Variants in WDFY2 observed in about 807,000 individuals in gnomAD.
WDFY2 encodes WD repeat and FYVE domain containing 2, also known as WD repeat and FYVE domain-containing protein 2.
In WDFY2, 36 loss-of-function variants were observed where a neutral mutation model predicts 56.4. The ratio of observed to expected loss-of-function variants is 0.64; its 90% CI spans 0.49 to 0.84. The LOEUF (loss-of-function observed/expected upper bound fraction) is 0.84, where lower values mean the gene tolerates loss of function less well. Ranked by LOEUF, WDFY2 falls within the 40% of genes least tolerant of loss-of-function variation. WDFY2 has a pLI of 0.00. For missense variants in WDFY2, 444 were observed against 512.2 expected, an observed-to-expected ratio of 0.87 and a Z score of 1.29; for synonymous variants, 176 against 183.7, an observed-to-expected ratio of 0.96 and a Z score of 0.34.
At chr13:51,717,890 T>C (rs1422460190) in intron 4 of WDFY2, among the ~76,000 whole-genome samples, 15 of 152,210 alleles carry the variant, frequency 9.9e-5, no homozygotes, top group Admixed American at 9.8e-4. Context: ...GACTGCCCTG[T>C]GGCTGTTCAT....
chr13:51,593,477 A>C (rs1366572727), intron 1 of WDFY2, among the ~76,000 whole-genome samples: 1 of 152,186 alleles, frequency 6.6e-6, no homozygotes, highest in Non-Finnish European at 1.5e-5. Context: ...ATTATTTTCC[A>C]AAAGGTTTAT....
intron 6 of WDFY2, among the ~76,000 whole-genome samples, chr13:51,737,295 A>C (rs1007619874): frequency 1.3e-5 from 2 of 152,156 alleles, no homozygotes; most frequent in Non-Finnish European, 2.9e-5. Flanking sequence ...CATTTAATCT[A>C]ATTAACCCAT....
intron 7 of WDFY2, among the ~76,000 whole-genome samples, chr13:51,749,886 G>A (rs2138713980): frequency 6.6e-6 from 1 of 152,162 alleles, no homozygotes; most frequent in Admixed American, 6.5e-5. Context: ...TAAAAAGTTT[G>A]TCAGAATAGT....
chr13:51,733,189 C>A (rs1387145159), intron 6 of WDFY2, among the ~76,000 whole-genome samples: 1 of 152,148 alleles, frequency 6.6e-6, no homozygotes, highest in African/African-American at 2.4e-5. Context: ...GTGCACGCCA[C>A]CACACCCATC....
chr13:51,652,338 T>C (rs1249491792), intron 1 of WDFY2, among the ~76,000 whole-genome samples: 2 of 152,240 alleles, frequency 1.3e-5, no homozygotes, highest in Non-Finnish European at 2.9e-5. Context: ...AGCACACTGA[T>C]AGGTCTTGAC....
intron 1 of WDFY2, among the ~76,000 whole-genome samples, chr13:51,656,699 T>C (rs997301005): frequency 6.6e-6 from 1 of 152,078 alleles, no homozygotes; most frequent in Non-Finnish European, 1.5e-5. Flanking sequence ...AATTATTATT[T>C]TTTTGATGAA....
chr13:51,614,718 C>T (rs1041564671), intron 1 of WDFY2, among the ~76,000 whole-genome samples: 3 of 152,196 alleles, frequency 2.0e-5, no homozygotes, highest in African/African-American at 7.2e-5. Flanking sequence ...AACTGTGTCA[C>T]ATTGCCACCC....
At chr13:51,607,863 A>G (rs1954412867) in intron 1 of WDFY2, among the ~76,000 whole-genome samples, 1 of 152,200 alleles carries the variant, frequency 6.6e-6, no homozygotes, top group Non-Finnish European at 1.5e-5. Flanking sequence ...TGATTAAGTT[A>G]AGGATCTTGA....
At chr13:51,754,765 A>G (rs1338297858) in intron 8 of WDFY2, among the ~76,000 whole-genome samples, 1 of 152,158 alleles carries the variant, frequency 6.6e-6, no homozygotes, top group African/African-American at 2.4e-5. Context: ...AACTTTATAA[A>G]TATCTTCTCC....
At chr13:51,700,170 C>T (rs556644657) in intron 3 of WDFY2, among the ~76,000 whole-genome samples, 2 of 152,152 alleles carry the variant, frequency 1.3e-5, no homozygotes, top group Admixed American at 6.5e-5. Context: ...TACGCCAGAC[C>T]GTTAACATTG....
chr13:51,715,250 T>G lies in WDFY2; in HGVS notation c.335-3948T>G, dbSNP rs543935364. Among the ~76,000 whole-genome samples, 10 of 152,220 alleles carry G rather than the reference T, an allele frequency of 6.6e-5. No individual in the cohort carries two copies. In the South Asian group the frequency reaches 1.4e-3, roughly 22 times the overall value. Reference sequence around the variant, plus strand: ...TATTTTTACTTTATAAACTTTTTAATTTTTTCAGCTTTTCAACTTTTTTGT... The same window carrying G: ...TATTTTTACTTTATAAACTTTTTAAGTTTTTCAGCTTTTCAACTTTTTTGT... On this transcript the variant is annotated intron_variant, in intron 4 of 11. Coordinates refer to ENST00000298125, the MANE Select transcript of WDFY2 (RefSeq NM_052950.4).
At chr13:51,694,887 G>A (rs1207081892) in intron 3 of WDFY2, among the ~76,000 whole-genome samples, 4 of 150,718 alleles carry the variant, frequency 2.7e-5, no homozygotes, top group Non-Finnish European at 2.9e-5. Flanking sequence ...GTTTCTTTTT[G>A]TTCTTTTTTC....
At chr13:51,641,825 CAAAAAA>C (rs750489541) in intron 1 of WDFY2, among the ~76,000 whole-genome samples, 260 of 37,376 alleles carry the variant, frequency 7.0e-3, no homozygotes, top group East Asian at 0.022. Context: ...GACTCCGTCT[CAAAAAA>C]AAAAAAAAAA....
At chr13:51,612,022 C>G (rs940099061) in intron 1 of WDFY2, among the ~76,000 whole-genome samples, 2 of 152,060 alleles carry the variant, frequency 1.3e-5, no homozygotes, top group African/African-American at 4.8e-5. Flanking sequence ...TGGAGCTGCC[C>G]TACTGCTTGA....
chr13:51,729,411 T>TAA (rs766653299), intron 6 of WDFY2, among the ~76,000 whole-genome samples: 17,880 of 136,714 alleles, frequency 0.13, 1,345 homozygotes, highest in South Asian at 0.23. Context: ...ATAGAAGCTT[T>TAA]AAAAAAAAAA....
intron 1 of WDFY2, among the ~76,000 whole-genome samples, chr13:51,640,689 A>G (rs1955138889): frequency 6.6e-6 from 1 of 152,088 alleles, no homozygotes; most frequent in African/African-American, 2.4e-5. Context: ...TCTCTACTAA[A>G]AATACAAAAA....
chr13:51,618,910 C>T (rs1417464468), intron 1 of WDFY2, among the ~76,000 whole-genome samples: 1 of 152,190 alleles, frequency 6.6e-6, no homozygotes, highest in African/African-American at 2.4e-5. Context: ...GTACCACATA[C>T]CTTTCATCAA....
At chr13:51,696,614 C>T (rs1951882042) in intron 3 of WDFY2, among the ~76,000 whole-genome samples, 1 of 152,116 alleles carries the variant, frequency 6.6e-6, no homozygotes, top group South Asian at 2.1e-4. Flanking sequence ...GGTGCTGGAG[C>T]AGTTGGTTTG....
chr13:51,742,510 A>G (rs1478816551), intron 7 of WDFY2, among the ~76,000 whole-genome samples: 1 of 151,950 alleles, frequency 6.6e-6, no homozygotes, highest in Non-Finnish European at 1.5e-5. Flanking sequence ...GATGGTTATT[A>G]CCGAAACATA....
Sources: gnomAD v4.1 joint callset for allele counts (sites outside exome capture counted in the v4.1 genomes callset) on GRCh38, gnomAD v4.1.1 for gene constraint, MANE v1.5 for transcripts, NCBI Gene and HGNC (gene_info 2026-07-23, HGNC 2026-07-21) for gene names.